CDH12: variants seen among roughly 807,000 people sequenced by gnomAD.
CDH12 encodes cadherin 12, also known as cadherin-12.
A neutral mutation model predicts 74.1 loss-of-function variants in CDH12; 41 were observed. The ratio of observed to expected loss-of-function variants is 0.55; its 90% CI spans 0.43 to 0.72. The LOEUF (loss-of-function observed/expected upper bound fraction) is 0.72, where lower values mean the gene tolerates loss of function less well. CDH12 is among the 30% of genes least tolerant of loss of function. The pLI is 0.00. For synonymous variants in CDH12, 399 were observed against 355.0 expected (o/e 1.12, Z -1.39); for missense variants, 945 against 977.2 (o/e 0.97, Z 0.44).
At chr5:21,799,820 C>T (rs1347392270) in intron 10 of CDH12, among the ~76,000 whole-genome samples, 1 of 152,110 alleles carries the variant, frequency 6.6e-6, no homozygotes, top group African/African-American at 2.4e-5. Flanking sequence ...GGGGTAGGGT[C>T]GCTCAGTGGA....
intron 4 of CDH12, among the ~76,000 whole-genome samples, chr5:22,102,083 G>GA (rs1348217375): frequency 6.6e-6 from 1 of 152,170 alleles, no homozygotes; most frequent in Non-Finnish European, 1.5e-5. Context: ...GAGGTGAAGT[G>GA]AAAATATATA....
intron 5 of CDH12, among the ~76,000 whole-genome samples, chr5:22,022,926 C>A (rs1580126561): frequency 6.6e-6 from 1 of 152,106 alleles, no homozygotes. Flanking sequence ...CAAAGCAGTG[C>A]AAAATAATCT....
At chr5:21,814,283 TAAG>T (rs761781502) in intron 9 of CDH12, among the ~76,000 whole-genome samples, 51 of 151,976 alleles carry the variant, frequency 3.4e-4, no homozygotes, top group East Asian at 9.6e-4. Flanking sequence ...TTAATCCAGT[TAAG>T]AAGAATAAAA....
chr5:22,446,895 T>A (rs1744838066), intron 2 of CDH12, among the ~76,000 whole-genome samples: 1 of 152,094 alleles, frequency 6.6e-6, no homozygotes, highest in Non-Finnish European at 1.5e-5. Flanking sequence ...GAATAGTCAA[T>A]GAATCAAAAT....
At chr5:22,417,335 G>A (rs548015992) in intron 2 of CDH12, among the ~76,000 whole-genome samples, 12 of 152,300 alleles carry the variant, frequency 7.9e-5, no homozygotes, top group East Asian at 5.8e-4. Context: ...TATGAGGGTC[G>A]TGCCTTTCTG....
intron 1 of CDH12, among the ~76,000 whole-genome samples, chr5:22,813,901 T>A (rs1283134299): frequency 1.3e-5 from 2 of 152,198 alleles, no homozygotes; most frequent in Non-Finnish European, 2.9e-5. Context: ...GACCCAGCTA[T>A]GTCATGCCCT....
At chr5:22,042,804 T>G (rs1242402894) in intron 5 of CDH12, among the ~76,000 whole-genome samples, 1 of 149,670 alleles carries the variant, frequency 6.7e-6, no homozygotes, top group Non-Finnish European at 1.5e-5. Context: ...GTAGGAGGAC[T>G]GATTCAGCCT....
intron 4 of CDH12, among the ~76,000 whole-genome samples, chr5:22,084,021 CA>C (rs1742909642): frequency 6.6e-6 from 1 of 152,100 alleles, no homozygotes; most frequent in African/African-American, 2.4e-5. Flanking sequence ...CCCAGCTTTC[CA>C]CCCACAAAGA....
At chr5:22,510,139 T>C (rs891354059) in intron 1 of CDH12, among the ~76,000 whole-genome samples, 2 of 152,110 alleles carry the variant, frequency 1.3e-5, no homozygotes, top group Non-Finnish European at 2.9e-5. Flanking sequence ...ATAATACACA[T>C]TTAAAGCCTT....
chr5:22,695,141 C>T (rs899712286), intron 1 of CDH12, among the ~76,000 whole-genome samples: 4 of 152,136 alleles, frequency 2.6e-5, no homozygotes, highest in Non-Finnish European at 4.4e-5. Context: ...TTTCCAGCTT[C>T]ATCCATGTCC....
intron 1 of CDH12, chr5:22,580,384 C>T: frequency 2.1e-6 from 1 of 481,400 alleles, no homozygotes; most frequent in South Asian, 1.6e-5. Flanking sequence ...TGCACGTGGT[C>T]CCCATCGTAG....
chr5:22,108,032 G>T (rs888597016), intron 4 of CDH12, among the ~76,000 whole-genome samples: 17 of 152,110 alleles, frequency 1.1e-4, no homozygotes, highest in Admixed American at 9.2e-4. Context: ...TATAATTTTT[G>T]CAATTAAGAA....
intron 1 of CDH12, among the ~76,000 whole-genome samples, chr5:22,850,493 T>A (rs756295898): frequency 2.0e-5 from 3 of 152,086 alleles, no homozygotes; most frequent in Non-Finnish European, 4.4e-5. Flanking sequence ...TTAAGCCTAT[T>A]CATAAAAATA....
At chr5:21,919,231 T>A (rs1754243179) in intron 6 of CDH12, among the ~76,000 whole-genome samples, 1 of 152,216 alleles carries the variant, frequency 6.6e-6, no homozygotes, top group African/African-American at 2.4e-5. Context: ...AAAATAACAA[T>A]GTTTTACACA....
chr5:22,797,401 T>C (rs1385623147), intron 1 of CDH12, among the ~76,000 whole-genome samples: 2 of 152,172 alleles, frequency 1.3e-5, no homozygotes, highest in African/African-American at 2.4e-5. Context: ...TATAGCTGCC[T>C]GAACAGACTA....
At chr5:22,566,241 C>CT (rs937479137) in intron 1 of CDH12, among the ~76,000 whole-genome samples, 2,453 of 141,942 alleles carry the variant, frequency 0.017, 56 homozygotes, top group African/African-American at 0.051. Context: ...TTTTTTCTTT[C>CT]TTTTTTTTTT....
chr5:22,444,387 C>A (rs946593309), intron 2 of CDH12, among the ~76,000 whole-genome samples: 1 of 152,000 alleles, frequency 6.6e-6, no homozygotes, highest in African/African-American at 2.4e-5. Flanking sequence ...TCTAATTAAG[C>A]TAATACTATT....
chr5:22,839,344 T>C (rs1736982228), intron 1 of CDH12, among the ~76,000 whole-genome samples: 1 of 150,884 alleles, frequency 6.6e-6, no homozygotes, highest in Admixed American at 6.6e-5. Flanking sequence ...ACAATCAAAA[T>C]TACTTGTCTT....
At chr5:21,808,776 T>C (rs1405533934) in intron 9 of CDH12, among the ~76,000 whole-genome samples, 1 of 152,052 alleles carries the variant, frequency 6.6e-6, no homozygotes, top group Non-Finnish European at 1.5e-5. Flanking sequence ...TTTATGCATA[T>C]CTCATCATCA....
Sources: allele counts gnomAD v4.1 joint callset (sites outside exome capture counted in the v4.1 genomes callset), GRCh38; gene constraint gnomAD v4.1.1; transcripts MANE v1.5; gene names NCBI Gene and HGNC (gene_info 2026-07-23, HGNC 2026-07-21).